HIVEP3: variants seen among roughly 807,000 people sequenced by gnomAD.
The protein encoded by HIVEP3 is HIVEP zinc finger 3.
In HIVEP3, 49 loss-of-function variants were observed where a neutral mutation model predicts 152.8. That is an observed-to-expected ratio of 0.32 (90% CI 0.26 to 0.41). The LOEUF (loss-of-function observed/expected upper bound fraction) is 0.41, where lower values mean the gene tolerates loss of function less well. Among genes scored for constraint, HIVEP3 ranks in the 10% least tolerant of loss-of-function variants. HIVEP3 has a pLI of 1.00. For missense variants in HIVEP3, 2,790 were observed against 3,103.3 expected, an observed-to-expected ratio of 0.90 and a Z score of 2.40; for synonymous variants, 1,269 against 1,289.0, an observed-to-expected ratio of 0.98 and a Z score of 0.33.
intron 2 of HIVEP3, among the ~76,000 whole-genome samples, chr1:41,697,331 A>G (rs1193343450): frequency 6.6e-6 from 1 of 152,234 alleles, no homozygotes; most frequent in Admixed American, 6.5e-5. Context: ...AAAAGAACAG[A>G]ACAAAACAAC....
At chr1:41,738,219 T>C (rs572822659) in intron 1 of HIVEP3, among the ~76,000 whole-genome samples, 50 of 152,248 alleles carry the variant, frequency 3.3e-4, no homozygotes, top group African/African-American at 1.2e-3. Context: ...CCCAGAGACA[T>C]ATAGACAAGC....
intron 1 of HIVEP3, among the ~76,000 whole-genome samples, chr1:41,914,835 T>C (rs1423344986): frequency 6.6e-6 from 1 of 152,222 alleles, no homozygotes; most frequent in Non-Finnish European, 1.5e-5. Context: ...CCAGGTCTCT[T>C]CCAACTCCAG....
chr1:41,688,822 T>G (rs1309552743), intron 2 of HIVEP3, among the ~76,000 whole-genome samples: 2 of 135,250 alleles, frequency 1.5e-5, no homozygotes, highest in Non-Finnish European at 3.3e-5. Flanking sequence ...AACGGATCTG[T>G]TTTTTTTTTT....
intron 5 of HIVEP3, among the ~76,000 whole-genome samples, chr1:41,566,888 T>C (rs1468632336): frequency 2.0e-5 from 3 of 151,976 alleles, no homozygotes; most frequent in Non-Finnish European, 4.4e-5. Flanking sequence ...CTGGATGCCT[T>C]TTTCTTTTCT....
intron 1 of HIVEP3, among the ~76,000 whole-genome samples, chr1:41,820,202 G>A (rs193299671): frequency 2.9e-4 from 44 of 152,156 alleles, no homozygotes; most frequent in African/African-American, 9.4e-4. Context: ...TTATAAAAAC[G>A]TATCTGTCCA....
intron 1 of HIVEP3, among the ~76,000 whole-genome samples, chr1:41,749,950 T>C (rs963247632): frequency 2.6e-4 from 40 of 152,112 alleles, no homozygotes; most frequent in Admixed American, 1.0e-3. Context: ...AAGCCAAAAT[T>C]GAAACAAAAC....
At chr1:41,904,222 C>T (rs1283768671) in intron 1 of HIVEP3, among the ~76,000 whole-genome samples, 21 of 152,086 alleles carry the variant, frequency 1.4e-4, no homozygotes, top group Admixed American at 1.3e-3. Context: ...TTGGCAGCAG[C>T]AGGAGGGCCC....
Position 41,585,022 on chromosome 1 carries a change from C to T in HIVEP3, c.-225G>A, listed in dbSNP as rs897417851. 9.8e-6 allele frequency: 4 copies of T among 408,808 alleles called. No homozygotes were observed. The highest frequency in any genetic ancestry group is 2.1e-5 in the African/African-American group (1 of 48,772). 25.3% of individuals were successfully genotyped at this position (408,808 alleles called of 1,614,324 possible). A position where few individuals can be genotyped will look rare whatever the true frequency, so the allele number is the denominator to read the frequency against. On this transcript the variant is annotated 5_prime_UTR_variant, in exon 4 of 9. Coordinates refer to ENST00000372583, the MANE Select transcript of HIVEP3 (RefSeq NM_024503.5). Reference sequence around the variant, plus strand: ...CGCTATTCTATTGGTGAGGCATGGCCCTCTACTTTGCAGACAGAAAACGCA... The same window carrying T: ...CGCTATTCTATTGGTGAGGCATGGCTCTCTACTTTGCAGACAGAAAACGCA...
chr1:41,916,694 C>A (rs1644877190), intron 1 of HIVEP3, among the ~76,000 whole-genome samples: 1 of 152,224 alleles, frequency 6.6e-6, no homozygotes, highest in Non-Finnish European at 1.5e-5. Context: ...CATCTGAGGT[C>A]TATTCTTCAG....
Position 41,580,877 on chromosome 1 carries a change from C to T in HIVEP3, c.3921G>A (p.Leu1307=). 1 of 1,608,122 alleles carries T rather than the reference C, an allele frequency of 6.2e-7. No homozygotes were observed. Among genetic ancestry groups the T allele is most frequent in the African/African-American group, 1.3e-5 (1 of 74,962 alleles). Residue 1307 remains leucine, a synonymous_variant, in exon 4 of 9, where the codon CTG becomes CTA. Coordinates refer to ENST00000372583, the MANE Select transcript of HIVEP3 (RefSeq NM_024503.5). Reference sequence around the variant, plus strand: ...ACACCATGGTGTCTGGACAGGCAGGCAGGGCCAGTGGAGGAGCTGATGTAG... The same window carrying T: ...ACACCATGGTGTCTGGACAGGCAGGTAGGGCCAGTGGAGGAGCTGATGTAG... The part of the protein sequence containing the change: ...SAPTSAPPLA[L]PACPDTMVSL...
chr1:41,528,949 GCTCACATTCCACACCCCCA>G (rs1643128942), intron 5 of HIVEP3, among the ~76,000 whole-genome samples: 1 of 55,854 alleles, frequency 1.8e-5, no homozygotes, highest in Admixed American at 2.2e-4. Context: ...TCACCTTCAT[GCTCACATTCCACACCCCCA>G]CCCTCACACT....
intron 1 of HIVEP3, among the ~76,000 whole-genome samples, chr1:41,781,136 T>C (rs1171685378): frequency 6.6e-6 from 1 of 152,236 alleles, no homozygotes; most frequent in East Asian, 1.9e-4. Flanking sequence ...GAGAAGGCCG[T>C]GTGCATTTGG....
chr1:41,992,257 C>G (rs1433958534), intron 1 of HIVEP3, among the ~76,000 whole-genome samples: 1 of 152,190 alleles, frequency 6.6e-6, no homozygotes, highest in African/African-American at 2.4e-5. Context: ...ACCCCATTGA[C>G]TCAGCCCAAA....
At chr1:41,829,548 CG>C (rs1358449033) in intron 1 of HIVEP3, among the ~76,000 whole-genome samples, 1 of 151,366 alleles carries the variant, frequency 6.6e-6, no homozygotes, top group Non-Finnish European at 1.5e-5. Context: ...AATTAAGGGG[CG>C]GGGGGAATGT....
intron 1 of HIVEP3, among the ~76,000 whole-genome samples, chr1:41,879,760 C>T (rs1226572252): frequency 1.3e-5 from 2 of 152,232 alleles, no homozygotes; most frequent in African/African-American, 4.8e-5. Flanking sequence ...TGTGAAACCT[C>T]TGCTTCTATT....
At chr1:41,797,311 C>T (rs1413845029) in intron 1 of HIVEP3, among the ~76,000 whole-genome samples, 1 of 152,202 alleles carries the variant, frequency 6.6e-6, no homozygotes, top group Non-Finnish European at 1.5e-5. Context: ...TGCTGAAGAC[C>T]TTAGGTTGCA....
chr1:41,615,440 A>G (rs10789401), intron 3 of HIVEP3, among the ~76,000 whole-genome samples: 116,784 of 152,152 alleles, frequency 0.77, 45,697 homozygotes, highest in East Asian at 1. Context: ...GCTAGAGGGC[A>G]CTTAAGTGGG....
At position 41,509,545 on chromosome 1, in the gene HIVEP3, A is replaced by C. The variant is rs1423341114; in HGVS notation, c.*906T>G. 6.6e-6 allele frequency: 1 copy of C among 152,180 alleles called. No homozygotes were observed. The highest frequency in any genetic ancestry group is 2.4e-5 in the African/African-American group (1 of 41,430). 9.4% of individuals were successfully genotyped at this position (152,180 alleles called of 1,614,324 possible). On this transcript the variant is annotated 3_prime_UTR_variant, in exon 9 of 9. Transcript: ENST00000372583. ...TGGTGGTTTTAGAACAGAGGAGGCA[A>C]CAGGAGAGTGAGGCCTCGGTCAGGG...
chr1:41,641,900 A>C (rs1645379211), intron 2 of HIVEP3, among the ~76,000 whole-genome samples: 1 of 152,146 alleles, frequency 6.6e-6, no homozygotes, highest in African/African-American at 2.4e-5. Flanking sequence ...TCCACCTCCT[A>C]GCTATGCTCT....
Sources: gnomAD v4.1 joint callset for allele counts (sites outside exome capture counted in the v4.1 genomes callset) on GRCh38, gnomAD v4.1.1 for gene constraint, MANE v1.5 for transcripts, NCBI Gene and HGNC (gene_info 2026-07-23, HGNC 2026-07-21) for gene names.